KIRREL3: variants seen among roughly 807,000 people sequenced by gnomAD.
KIRREL3 encodes kin of IRRE-like protein 3.
A neutral mutation model predicts 89.7 loss-of-function variants in KIRREL3; 36 were observed. The observed-to-expected ratio is 0.40, with a 90% confidence interval of 0.31 to 0.53. KIRREL3 has a LOEUF of 0.53. KIRREL3 is among the 20% of genes least tolerant of loss of function. The probability of loss-of-function intolerance (pLI) is 0.49; values close to 1 mark genes in which losing one functional copy is unlikely to be tolerated. For missense variants in KIRREL3, 864 were observed against 1,056.6 expected (o/e 0.82, Z 2.53); for synonymous variants, 445 against 441.4 (o/e 1.01, Z -0.10).
chr11:126,980,356 T>C (rs536530178), intron 1 of KIRREL3, among the ~76,000 whole-genome samples: 1 of 152,218 alleles, frequency 6.6e-6, no homozygotes, highest in East Asian at 1.9e-4. Context: ...ATCTACAGAT[T>C]GTAGGGGACC....
rs1957344942 is a variant in KIRREL3 at position 126,485,800 on chromosome 11, T to C, written c.434-12334A>G. ...GGTCAGTACCTTGCCTCAAAGCACC[T>C]TTAAACCACTAGAGCGATGACAAGG... On this transcript the variant is annotated intron_variant, in intron 4 of 16. Coordinates refer to ENST00000525144, the MANE Select transcript of KIRREL3 (RefSeq NM_032531.4). The surrounding 1 kb of genome is among the most constrained non-coding windows in gnomAD (Gnocchi z 5.8). 6.6e-6 allele frequency among the ~76,000 whole-genome samples: 1 copy of C among 152,220 alleles called. No individual in the cohort carries two copies. The highest frequency in any genetic ancestry group is 6.5e-5 in the Admixed American group (1 of 15,278).
rs878988878 is a variant in KIRREL3, at chr11:126,561,909, T to C, written c.133+926A>G. ...GCTTGGAAAGAGGGCACTGAGACCA[T>C]GCTATGGGGATAGAGATGGTAGAAA... On this transcript the variant is annotated intron_variant, in intron 2 of 16. Coordinates refer to ENST00000525144, the MANE Select transcript of KIRREL3 (RefSeq NM_032531.4). This position sits in a 1 kb window ranked among gnomAD's most constrained non-coding sequence, Gnocchi z 4.5. Among the ~76,000 whole-genome samples the C allele has an allele frequency of 1.9e-4, 29 of 152,048 alleles. No individual in the cohort carries two copies. Among genetic ancestry groups the C allele is most frequent in the African/African-American group, 5.8e-4 (24 of 41,398 alleles).
chr11:126,712,719 G>A (rs1049313434), intron 1 of KIRREL3, among the ~76,000 whole-genome samples: 1 of 152,102 alleles, frequency 6.6e-6, no homozygotes, highest in African/African-American at 2.4e-5. Flanking sequence ...TGAGGTTGGC[G>A]ACAACCTGAA....
In KIRREL3 at chr11:126,555,027, G is replaced by T. The variant is rs1046291235; in HGVS notation, c.133+7808C>A. 1.3e-5 allele frequency among the ~76,000 whole-genome samples: 2 copies of T among 152,128 alleles called. No individual in the cohort carries two copies. The highest frequency in any genetic ancestry group is 2.4e-5 in the African/African-American group (1 of 41,440). On this transcript the variant is annotated intron_variant, in intron 2 of 16. Coordinates refer to ENST00000525144, the MANE Select transcript of KIRREL3 (RefSeq NM_032531.4). This position sits in a 1 kb window ranked among gnomAD's most constrained non-coding sequence, Gnocchi z 4.2. ...CCTTTCCAACTCCTCATTCCGCCAA[G>T]AGCCCCTTCCATCTCCCAATAAAAT...
chr11:126,758,818 G>A lies in KIRREL3; in HGVS notation c.56-195906C>T, dbSNP rs976842839. The stretch of plus-strand genomic sequence containing the variant: ...CAATTTCTCCCTCAAAACTGCTTCC[G>A]TAGCAGAAAAAGCTTTGACCGATAT... On this transcript the variant is annotated intron_variant, in intron 1 of 16. Transcript: ENST00000525144. Among the ~76,000 whole-genome samples, 4 of 152,276 alleles carry A rather than the reference G, an allele frequency of 2.6e-5. No individual in the cohort carries two copies. The South Asian group carries it at 6.2e-4, about 24-fold the overall frequency.
rs1200410493 is a variant in KIRREL3, at chr11:126,754,402, G to A, written c.56-191490C>T. On this transcript the variant is annotated intron_variant, in intron 1 of 16. Coordinates refer to ENST00000525144, the MANE Select transcript of KIRREL3 (RefSeq NM_032531.4). This position sits in a 1 kb window ranked among gnomAD's most constrained non-coding sequence, Gnocchi z 5.1. ...TACACTCTCTATATGTCTGTCTCTG[G>A]TCTTCAATTCAGACCGTGTAACTAG... Among the ~76,000 whole-genome samples the A allele has an allele frequency of 6.6e-6, 1 of 152,110 alleles. No homozygotes were observed. The highest frequency in any genetic ancestry group is 1.9e-4 in the East Asian group (1 of 5,194).
In KIRREL3 at chr11:126,898,556, C is replaced by T. The variant is rs919301885; in HGVS notation, c.55+101899G>A. On this transcript the variant is annotated intron_variant, in intron 1 of 16. Transcript: ENST00000525144. The surrounding 1 kb of genome is among the most constrained non-coding windows in gnomAD (Gnocchi z 4.9). ...AGATACCTAACAATACGAACAATTC[C>T]TAAAAGCAGCGTTAGTTGAAAGCAG... is the stretch of plus-strand genomic sequence containing the variant. 6.6e-6 allele frequency among the ~76,000 whole-genome samples: 1 copy of T among 152,134 alleles called. No homozygotes were observed. Among genetic ancestry groups the T allele is most frequent in the Non-Finnish European group, 1.5e-5 (1 of 68,018 alleles).
chr11:126,966,882 A>G (rs1188063705), intron 1 of KIRREL3, among the ~76,000 whole-genome samples: 1 of 152,246 alleles, frequency 6.6e-6, no homozygotes, highest in East Asian at 1.9e-4. Context: ...GTAAACAAGA[A>G]TGACTGTTAT....
intron 1 of KIRREL3, among the ~76,000 whole-genome samples, chr11:126,767,847 C>T (rs1232911631): frequency 6.6e-6 from 1 of 152,170 alleles, no homozygotes; most frequent in South Asian, 2.1e-4. Context: ...ATGTGGCTGA[C>T]AATTTGATTG....
At position 126,643,679 on chromosome 11, in the gene KIRREL3, A is replaced by G. The variant is rs1282573203; in HGVS notation, c.56-80767T>C. ...TCAATGTGGCAACACAATGAGTAGG[A>G]TTGTACTGAAGATGAATTGGAGATA... On this transcript the variant is annotated intron_variant, in intron 1 of 16. Coordinates refer to ENST00000525144, the MANE Select transcript of KIRREL3 (RefSeq NM_032531.4). This position sits in a 1 kb window ranked among gnomAD's most constrained non-coding sequence, Gnocchi z 4.5. Among the ~76,000 whole-genome samples, 2 of 152,218 alleles carry G rather than the reference A, an allele frequency of 1.3e-5. No homozygotes were observed. Among genetic ancestry groups the G allele is most frequent in the African/African-American group, 2.4e-5 (1 of 41,468 alleles).
chr11:126,807,065 CACGCTGTA>C lies in KIRREL3; in HGVS notation c.55+193382_55+193389del, dbSNP rs1352987616. On this transcript the variant is annotated intron_variant, in intron 1 of 16. Transcript: ENST00000525144. The surrounding 1 kb of genome is among the most constrained non-coding windows in gnomAD (Gnocchi z 4.3). ...CCATGGCACATATGTGCCACATGAC[CACGCTGTA>C]CTCTTCAAAGGGGATGAAACTGAGA... Among the ~76,000 whole-genome samples, 4 of 152,098 alleles carry C rather than the reference CACGCTGTA, an allele frequency of 2.6e-5. No individual in the cohort carries two copies. Among genetic ancestry groups the C allele is most frequent in the Admixed American group, 6.5e-5 (1 of 15,270 alleles).
intron 1 of KIRREL3, among the ~76,000 whole-genome samples, chr11:126,884,436 C>A (rs1375968871): frequency 6.6e-6 from 1 of 152,180 alleles, no homozygotes; most frequent in Non-Finnish European, 1.5e-5. Context: ...AAAGTTTATA[C>A]TCTGGGCTCA....
intron 1 of KIRREL3, among the ~76,000 whole-genome samples, chr11:126,572,269 A>G (rs1940990069): frequency 6.6e-6 from 1 of 152,214 alleles, no homozygotes; most frequent in Non-Finnish European, 1.5e-5. Flanking sequence ...AGTTCTCTTG[A>G]GGCCAAGATC....
intron 1 of KIRREL3, among the ~76,000 whole-genome samples, chr11:126,982,351 T>C (rs1949744139): frequency 6.6e-6 from 1 of 152,354 alleles, no homozygotes; most frequent in East Asian, 1.9e-4. Flanking sequence ...CCTGGGCACA[T>C]TGGCCTTCAG....
At position 126,909,224 on chromosome 11, in the gene KIRREL3, C is replaced by T. The variant is rs1006535474; in HGVS notation, c.55+91231G>A. On this transcript the variant is annotated intron_variant, in intron 1 of 16. Transcript: ENST00000525144. The surrounding 1 kb of genome is among the most constrained non-coding windows in gnomAD (Gnocchi z 4.5). ...TTCTCAGGCAGGGAAGGAATGGGGT[C>T]GGAGAGGGAGGAGTTCATGGGAGGT... Among the ~76,000 whole-genome samples the T allele has an allele frequency of 6.6e-6, 1 of 152,018 alleles. No individual in the cohort carries two copies. The highest frequency in any genetic ancestry group is 1.5e-5 in the Non-Finnish European group (1 of 67,978).
At chr11:126,968,860 A>T (rs751017539) in intron 1 of KIRREL3, among the ~76,000 whole-genome samples, 4 of 152,016 alleles carry the variant, frequency 2.6e-5, no homozygotes, top group Non-Finnish European at 4.4e-5. Context: ...CCTACCAACT[A>T]GCTTACTGTG....
chr11:126,621,946 G>A (rs966168717), intron 1 of KIRREL3, among the ~76,000 whole-genome samples: 7 of 152,148 alleles, frequency 4.6e-5, no homozygotes, highest in Non-Finnish European at 1.5e-5. Context: ...AATGCTCATT[G>A]TTGGCTGCTG....
chr11:126,896,908 G>A lies in KIRREL3; in HGVS notation c.55+103547C>T, dbSNP rs1278562867. ...CGCAGTGGGGATCTTAACAGGCATT[G>A]CCATTTCTTTTGCTTGATATTTCTG... On this transcript the variant is annotated intron_variant, in intron 1 of 16. Coordinates refer to ENST00000525144, the MANE Select transcript of KIRREL3 (RefSeq NM_032531.4). The surrounding 1 kb of genome is among the most constrained non-coding windows in gnomAD (Gnocchi z 4.1). 6.6e-6 allele frequency among the ~76,000 whole-genome samples: 1 copy of A among 152,084 alleles called. No homozygotes were observed. Among genetic ancestry groups the A allele is most frequent in the Admixed American group, 6.6e-5 (1 of 15,262 alleles).
intron 1 of KIRREL3, among the ~76,000 whole-genome samples, chr11:126,613,091 T>A (rs546043173): frequency 2.6e-5 from 4 of 152,348 alleles, no homozygotes; most frequent in East Asian, 3.9e-4. Context: ...TTGACTTTTT[T>A]AAATGAAAGG....
Sources: allele counts gnomAD v4.1 joint callset (sites outside exome capture counted in the v4.1 genomes callset), GRCh38; gene constraint gnomAD v4.1.1; non-coding constraint Gnocchi (gnomAD v3.1); transcripts MANE v1.5; gene names NCBI Gene and HGNC (gene_info 2026-07-23, HGNC 2026-07-21).